Variants in RFNG observed in about 807,000 individuals in gnomAD.
RFNG encodes beta-1,3-N-acetylglucosaminyltransferase radical fringe.
In RFNG, 37 loss-of-function variants were observed where a neutral mutation model predicts 29.6. The ratio of observed to expected loss-of-function variants is 1.25; its 90% CI spans 0.96 to 1.65. The LOEUF is 1.65. Ranked by LOEUF, RFNG falls within the 40% of genes most tolerant of loss-of-function variation. The probability of loss-of-function intolerance (pLI) is 0.00; values close to 1 mark genes in which losing one functional copy is unlikely to be tolerated. For missense variants in RFNG, 546 were observed against 457.0 expected (o/e 1.19, Z -1.78); for synonymous variants, 276 against 197.3 (o/e 1.40, Z -3.34).
At position 82,049,735 on chromosome 17, in the gene RFNG, A is replaced by G; in HGVS notation, c.770T>C (p.Leu257Pro). 1.3e-6 allele frequency: 2 copies of G among 1,517,002 alleles called. No homozygotes were observed. The highest frequency in any genetic ancestry group is 1.8e-6 in the Non-Finnish European group (2 of 1,135,764). 94.0% of individuals were successfully genotyped at this position (1,517,002 alleles called of 1,614,324 possible). ...LLGARLLHSP[L>P]FHSHLENLQR... ...CAGGTTCTCCAGGTGAGAGTGGAAG[A>G]GGGGGCTGTGCAGCAGGCGGGCGCC... Residue 257 changes from leucine to proline, a missense_variant, in exon 6 of 8, where the codon CTC becomes CCC. Leu to Pro is a moderately conservative substitution (Grantham distance 98). Transcript: ENST00000310496.
Position 82,051,310 on chromosome 17 carries a change from C to A in RFNG, c.300G>T (p.Glu100Asp). The A allele has an allele frequency of 7.0e-7, 1 of 1,436,146 alleles. No individual in the cohort carries two copies. 89.0% of individuals were successfully genotyped at this position (1,436,146 alleles called of 1,614,324 possible). A position where few individuals can be genotyped will look rare whatever the true frequency, so the allele number is the denominator to read the frequency against. The change falls in exon 2 of 8, where the codon GAG becomes GAT. Residue 100 changes from glutamate to aspartate, a missense_variant. Physicochemically the swap from Glu to Asp is conservative, Grantham distance 45. Transcript: ENST00000310496. The surrounding 1 kb of genome is among the most constrained non-coding windows in gnomAD (Gnocchi z 4.1). ...TFIFTDGDDP[E>D]LELQGGDRVI... The stretch of plus-strand genomic sequence containing the variant: ...GACACTCACCGCCCTGGAGCTCGAG[C>A]TCAGGGTCGTCCCCGTCGGTGAAGA...
In RFNG at chr17:82,050,622, T is replaced by C. The variant is rs376167969; in HGVS notation, c.419+40A>G. The C allele has an allele frequency of 1.2e-5, 19 of 1,609,250 alleles. No homozygotes were observed. The African/African-American group carries it at 2.3e-4, about 19-fold the overall frequency. On this transcript the variant is annotated intron_variant, in intron 3 of 7. Coordinates refer to ENST00000310496, the MANE Select transcript of RFNG (RefSeq NM_002917.2). The stretch of plus-strand genomic sequence containing the variant: ...CTGGACAGGAGGCCCCCACCCAGCT[T>C]GGCTCTGAGCTCTCTGCGGGTCGGG...
chr17:82,049,620 G>T lies in RFNG; in HGVS notation c.828+57C>A, dbSNP rs1282209451. ...CGGGCCGGGGCAGTGGGGCCCCTGG[G>T]GGAGTCAGGGCGGGGCAAAGCCCAG... is the stretch of plus-strand genomic sequence containing the variant. On this transcript the variant is annotated intron_variant, in intron 6 of 7. Transcript: ENST00000310496. 3 of 1,464,984 alleles carry T rather than the reference G, an allele frequency of 2.0e-6. No homozygotes were observed. The African/African-American group carries it at 4.2e-5, about 21-fold the overall frequency. The allele number at this position is 1,464,984 out of a possible 1,614,324, so 90.7% of individuals were successfully genotyped here.
Position 82,050,298 on chromosome 17 carries a change from A to G in RFNG, c.573+104T>C. 2.2e-6 allele frequency: 3 copies of G among 1,364,524 alleles called. No individual in the cohort carries two copies. In the South Asian group the frequency reaches 4.3e-5, roughly 20 times the overall value. The allele number at this position is 1,364,524 out of a possible 1,614,324, so 84.5% of individuals were successfully genotyped here. A position where few individuals can be genotyped will look rare whatever the true frequency, so the allele number is the denominator to read the frequency against. ...CCTGGGTGGATCAGCTTGGGCCCCC[A>G]ACCCTATGCCCTTCTCAAGCCAGCT... On this transcript the variant is annotated intron_variant, in intron 4 of 7. Coordinates refer to ENST00000310496, the MANE Select transcript of RFNG (RefSeq NM_002917.2).
At chr17:82,048,850 A>C in intron 7 of RFNG, 43 bp from the exon 8 acceptor site, 1 of 1,565,484 alleles carries the variant, frequency 6.4e-7, no homozygotes, top group South Asian at 1.1e-5. Flanking sequence ...GGGCGGAGAG[A>C]GAAGCGGGGG....
At position 82,051,155 on chromosome 17, in the gene RFNG, TG is replaced by T; in HGVS notation, c.316+138del. On this transcript the variant is annotated intron_variant, in intron 2 of 7. Transcript: ENST00000310496. The surrounding 1 kb of genome is among the most constrained non-coding windows in gnomAD (Gnocchi z 4.1). ...TGGGCCCTCCGCAGGCCGCGTGACCTGGGCAGCGTCGGGGCCTCCCCGGGCC... is the reference window on the plus strand; with the variant it reads ...TGGGCCCTCCGCAGGCCGCGTGACCTGGCAGCGTCGGGGCCTCCCCGGGCC... 1 of 1,306,144 alleles carries T rather than the reference TG, an allele frequency of 7.7e-7. No homozygotes were observed. The allele number at this position is 1,306,144 out of a possible 1,614,324, so 80.9% of individuals were successfully genotyped here.
In RFNG at chr17:82,048,087, G is replaced by A. The variant is rs2030042545; in HGVS notation, c.*639C>T. 1 of 152,802 alleles carries A rather than the reference G, an allele frequency of 6.5e-6. No individual in the cohort carries two copies. Among genetic ancestry groups the A allele is most frequent in the South Asian group, 2.1e-4 (1 of 4,866 alleles). The allele number at this position is 152,802 out of a possible 1,614,324, so 9.5% of individuals were successfully genotyped here. A position where few individuals can be genotyped will look rare whatever the true frequency, so the allele number is the denominator to read the frequency against. On this transcript the variant is annotated 3_prime_UTR_variant, in exon 8 of 8. Transcript: ENST00000310496. The stretch of plus-strand genomic sequence containing the variant: ...TATGGGCCCAGGCACAGTGGGGCAG[G>A]AGCACGACCCAGAAAGTAGTCCTGA...
Position 82,050,779 on chromosome 17 carries a change from CGGGAA to C in RFNG, c.317-20_317-16del, listed in dbSNP as rs1568033661. ...GACACGGTCGCCTGCGAATCAGAGA[CGGGAA>C]GCACGCACGTAGAGGATGGCACTGG... On this transcript the variant is annotated splice_polypyrimidine_tract_variant and intron_variant, in intron 2 of 7. Coordinates refer to ENST00000310496, the MANE Select transcript of RFNG (RefSeq NM_002917.2). 6.2e-7 allele frequency: 1 copy of C among 1,611,404 alleles called. No homozygotes were observed. Among genetic ancestry groups the C allele is most frequent in the Admixed American group, 1.7e-5 (1 of 60,006 alleles).
Position 82,048,963 on chromosome 17 carries a change from T to G in RFNG, c.914+68A>C, listed in dbSNP as rs2030092037. On this transcript the variant is annotated intron_variant, in intron 7 of 7. Coordinates refer to ENST00000310496, the MANE Select transcript of RFNG (RefSeq NM_002917.2). The stretch of plus-strand genomic sequence containing the variant: ...GAGGGAGCAGCGGGGGTCAGGGCCG[T>G]GGGTAGAGGGAGCTGATGCCAGAGC... The G allele has an allele frequency of 5.2e-6, 8 of 1,537,216 alleles. No individual in the cohort carries two copies. The Admixed American group carries it at 1.0e-4, about 19-fold the overall frequency.
In RFNG at chr17:82,048,595, G is replaced by C. The variant is rs572269103; in HGVS notation, c.*131C>G. ...GAGAGGGGGGGCTGCAGGCTAGCCA[G>C]AGGGTCTGCCAGGTGCCTGCATCTC... On this transcript the variant is annotated 3_prime_UTR_variant, in exon 8 of 8. Coordinates refer to ENST00000310496, the MANE Select transcript of RFNG (RefSeq NM_002917.2). 2 of 734,782 alleles carry C rather than the reference G, an allele frequency of 2.7e-6. No individual in the cohort carries two copies. The highest frequency in any genetic ancestry group is 3.0e-5 in the South Asian group (2 of 66,608). The allele number at this position is 734,782 out of a possible 1,614,324, so 45.5% of individuals were successfully genotyped here. A position where few individuals can be genotyped will look rare whatever the true frequency, so the allele number is the denominator to read the frequency against.
intron 4 of RFNG, 50 bp from the exon 5 acceptor site, chr17:82,050,056 C>CAGGGG: frequency 1.4e-6 from 2 of 1,463,434 alleles, no homozygotes; most frequent in Non-Finnish European, 1.9e-6. Context: ...CTTCTCACCC[C>CAGGGG]TGACTCTTCA....
intron 4 of RFNG, 174 bp downstream of exon 4, chr17:82,050,228 G>T (rs1037649271): frequency 3.5e-6 from 3 of 852,934 alleles, no homozygotes; most frequent in East Asian, 2.7e-5. Context: ...TGCCCAGTAC[G>T]GTGAGGGCCT....
In RFNG at chr17:82,051,805, T is replaced by C; in HGVS notation, c.-39A>G. The C allele has an allele frequency of 8.9e-7, 1 of 1,128,720 alleles. No individual in the cohort carries two copies. The allele number at this position is 1,128,720 out of a possible 1,614,324, so 69.9% of individuals were successfully genotyped here. A position where few individuals can be genotyped will look rare whatever the true frequency, so the allele number is the denominator to read the frequency against. ...CCCCCGGCGCTGCGAGCGGAGAACC[T>C]GGCCGGAGCCGTGGGTGGGCGGCGG... On this transcript the variant is annotated 5_prime_UTR_variant, in exon 1 of 8. Transcript: ENST00000310496. This position sits in a 1 kb window ranked among gnomAD's most constrained non-coding sequence, Gnocchi z 4.1.
At position 82,048,493 on chromosome 17, in the gene RFNG, G is replaced by T. The variant is rs1423676969; in HGVS notation, c.*233C>A. On this transcript the variant is annotated 3_prime_UTR_variant, in exon 8 of 8. Coordinates refer to ENST00000310496, the MANE Select transcript of RFNG (RefSeq NM_002917.2). The stretch of plus-strand genomic sequence containing the variant: ...CCTTGGGGCTGGGTCGGGGGGAGGG[G>T]CACTGCGGCCCTGGCCATCAGCCTG... The T allele has an allele frequency of 3.6e-6, 2 of 560,446 alleles. No homozygotes were observed. Among genetic ancestry groups the T allele is most frequent in the East Asian group, 3.0e-5 (1 of 33,212 alleles). 34.7% of individuals were successfully genotyped at this position (560,446 alleles called of 1,614,324 possible).
chr17:82,050,969 G>C, intron 2 of RFNG: 3 of 1,429,074 alleles, frequency 2.1e-6, no homozygotes, highest in Non-Finnish European at 2.7e-6. Context: ...CCATCGGTTG[G>C]GATCTCTTGA....
chr17:82,050,584 G>C, intron 3 of RFNG, 29 bp from the exon 4 acceptor site: 1 of 1,608,848 alleles, frequency 6.2e-7, no homozygotes, highest in South Asian at 1.1e-5. Context: ...CTGGGCACGA[G>C]GGCCTGGCAT....
chr17:82,050,796 G>C lies in RFNG; in HGVS notation c.317-32C>G, dbSNP rs761737097. 8.1e-6 allele frequency: 13 copies of C among 1,604,302 alleles called. No homozygotes were observed. The South Asian group carries it at 1.3e-4, about 16-fold the overall frequency. On this transcript the variant is annotated intron_variant, in intron 2 of 7. Transcript: ENST00000310496. Reference sequence around the variant, plus strand: ...ATCAGAGACGGGAAGCACGCACGTAGAGGATGGCACTGGGGTTGGGGTAAG... The same window carrying C: ...ATCAGAGACGGGAAGCACGCACGTACAGGATGGCACTGGGGTTGGGGTAAG...
chr17:82,048,951 G>A (rs1027827367), intron 7 of RFNG, 80 bp downstream of exon 7: 4 of 1,497,856 alleles, frequency 2.7e-6, no homozygotes, highest in Non-Finnish European at 3.7e-6. Context: ...GGAGCAGCGG[G>A]GGTCAGGGCC....
At position 82,048,262 on chromosome 17, in the gene RFNG, C is replaced by A. The variant is rs566400066; in HGVS notation, c.*464G>T. 5.2e-6 allele frequency: 1 copy of A among 193,042 alleles called. No individual in the cohort carries two copies. The highest frequency in any genetic ancestry group is 1.1e-5 in the Non-Finnish European group (1 of 92,648). The allele number at this position is 193,042 out of a possible 1,614,324, so 12.0% of individuals were successfully genotyped here. On this transcript the variant is annotated 3_prime_UTR_variant, in exon 8 of 8. Coordinates refer to ENST00000310496, the MANE Select transcript of RFNG (RefSeq NM_002917.2). ...GGTGCCCGGCCGTGCACCCAGCCTG[C>A]GGCAGAGAGGGCGGCGTCCCCCACA...
Sources: allele counts gnomAD v4.1 joint callset, GRCh38; gene constraint gnomAD v4.1.1; non-coding constraint Gnocchi (gnomAD v3.1); transcripts MANE v1.5; gene names NCBI Gene and HGNC (gene_info 2026-07-23, HGNC 2026-07-21).